The following DENND2B variants were observed in gnomAD, a reference collection of about 807,000 sequenced individuals.
DENND2B encodes DENN domain containing 2B.
A neutral mutation model predicts 116.0 loss-of-function variants in DENND2B; 32 were observed. The observed-to-expected ratio is 0.28, with a 90% CI of 0.21 to 0.37. DENND2B has a LOEUF of 0.37. Ranked by LOEUF, DENND2B falls within the 10% of genes least tolerant of loss-of-function variation. DENND2B has a pLI of 1.00. For missense variants in DENND2B, 1,276 were observed against 1,477.7 expected (o/e 0.86, Z 2.24); for synonymous variants, 588 against 583.9 (o/e 1.01, Z -0.10).
At chr11:8,828,605 C>A (rs759279999) in intron 4 of DENND2B, among the ~76,000 whole-genome samples, 2 of 152,070 alleles carry the variant, frequency 1.3e-5, no homozygotes, top group Non-Finnish European at 2.9e-5. Context: ...AGAATGGGGA[C>A]AAGCAGGGCG....
intron 4 of DENND2B, among the ~76,000 whole-genome samples, chr11:8,721,464 C>A (rs942552145): frequency 6.6e-6 from 1 of 151,736 alleles, no homozygotes; most frequent in African/African-American, 2.4e-5. Flanking sequence ...CTGGACCACA[C>A]CCATTACTAG....
chr11:8,754,125 G>A (rs1183343017), intron 1 of DENND2B, among the ~76,000 whole-genome samples: 1 of 151,130 alleles, frequency 6.6e-6, no homozygotes. Context: ...ATACCATCAA[G>A]AAAGTGAAAA....
chr11:8,760,397 T>C (rs778857663), intron 1 of DENND2B, among the ~76,000 whole-genome samples: 1 of 152,042 alleles, frequency 6.6e-6, no homozygotes, highest in Non-Finnish European at 1.5e-5. Flanking sequence ...GCAGGAGGAT[T>C]GTTTGAGCCC....
intron 1 of DENND2B, among the ~76,000 whole-genome samples, chr11:8,806,636 A>ACACACACACACACACACACACC (rs1426363936): frequency 5.9e-5 from 9 of 151,590 alleles, no homozygotes; most frequent in South Asian, 2.1e-4. Context: ...ACACACACAC[A>ACACACACACACACACACACACC]CACCCAGGAG....
At position 8,768,544 on chromosome 11, in the gene DENND2B, A is replaced by C. The variant is rs1020898936; in HGVS notation, c.-25-17819T>G. ...AGGTATGAGCAACCGTGCCTGGCCA[A>C]ATGTGCTATTTTCTAATGTGGTTTG... On this transcript the variant is annotated intron_variant, in intron 1 of 19. Transcript: ENST00000313726. Among the ~76,000 whole-genome samples the C allele has an allele frequency of 2.0e-5, 3 of 152,116 alleles. No individual in the cohort carries two copies. In the South Asian group the frequency reaches 6.2e-4, roughly 32 times the overall value.
chr11:8,708,450 C>CTCT, intron 11 of DENND2B: 2 of 545,980 alleles, frequency 3.7e-6, no homozygotes, highest in Non-Finnish European at 4.7e-6. Context: ...ATTATTATCC[C>CTCT]CTTTATAGAT....
At position 8,712,521 on chromosome 11, in the gene DENND2B, T is replaced by C; in HGVS notation, c.2172+30A>G. The C allele has an allele frequency of 6.5e-7, 1 of 1,540,172 alleles. No individual in the cohort carries two copies. The highest frequency in any genetic ancestry group is 8.8e-7 in the Non-Finnish European group (1 of 1,139,184). ...GATAGAGGATGGAAGAGGGGGAATA[T>C]GGGCAAGGTGGGGAGAGAGAAGGCC... On this transcript the variant is annotated intron_variant, in intron 9 of 19. Transcript: ENST00000313726. The surrounding 1 kb of genome is among the most constrained non-coding windows in gnomAD (Gnocchi z 4.4).
intron 3 of DENND2B, among the ~76,000 whole-genome samples, chr11:8,855,634 G>C (rs1415811383): frequency 6.6e-6 from 1 of 151,978 alleles, no homozygotes; most frequent in Non-Finnish European, 1.5e-5. Context: ...GGAGGAAACA[G>C]CACGCCGAGA....
chr11:8,830,326 G>C (rs550149125), intron 4 of DENND2B, among the ~76,000 whole-genome samples: 1 of 152,178 alleles, frequency 6.6e-6, no homozygotes, highest in East Asian at 1.9e-4. Context: ...GAAAAATCCT[G>C]CCTCCTCCAA....
At chr11:8,724,319 CT>C (rs935708016) in intron 4 of DENND2B, among the ~76,000 whole-genome samples, 27 of 152,038 alleles carry the variant, frequency 1.8e-4, no homozygotes, top group African/African-American at 6.0e-4. Flanking sequence ...AGATTCCAGG[CT>C]TCTGATAATC....
At chr11:8,737,798 C>T (rs768191228) in intron 2 of DENND2B, among the ~76,000 whole-genome samples, 3 of 151,918 alleles carry the variant, frequency 2.0e-5, no homozygotes, top group East Asian at 1.9e-4. Flanking sequence ...CTTGCTCTGT[C>T]GCTCAGGCTG....
At chr11:8,767,418 C>A (rs1175550998) in intron 1 of DENND2B, among the ~76,000 whole-genome samples, 3 of 99,122 alleles carry the variant, frequency 3.0e-5, no homozygotes, top group Non-Finnish European at 7.6e-5. Context: ...CCCTGAGAGG[C>A]CAAAATGAAG....
intron 1 of DENND2B, chr11:8,771,548 A>AGAGAGG (rs1469637267): frequency 6.7e-6 from 1 of 150,052 alleles, no homozygotes; most frequent in African/African-American, 2.5e-5. Context: ...AGAGAGAGAG[A>AGAGAGG]GAGAGAGAGA....
At chr11:8,758,098 G>A (rs1378448162) in intron 1 of DENND2B, among the ~76,000 whole-genome samples, 2 of 152,144 alleles carry the variant, frequency 1.3e-5, no homozygotes, top group Non-Finnish European at 2.9e-5. Context: ...CTGTGGGGAT[G>A]GGGCCTAGGA....
intron 4 of DENND2B, among the ~76,000 whole-genome samples, chr11:8,829,220 C>A (rs188191931): frequency 6.1e-4 from 93 of 151,384 alleles, no homozygotes; most frequent in Admixed American, 4.1e-3. Context: ...TGTGCATGTG[C>A]AGCATATGTT....
chr11:8,873,328 T>G (rs140334534), upstream of DENND2B, among the ~76,000 whole-genome samples: 1 of 152,362 alleles, frequency 6.6e-6, no homozygotes, highest in East Asian at 1.9e-4. Context: ...GGGCAATAAT[T>G]AGATATAAAT....
chr11:8,894,948 A>G lies in DENND2B; in HGVS notation c.-255-13839T>C, dbSNP rs577284080. On this transcript the variant is annotated intron_variant, in intron 1 of 22. Transcript: ENST00000534127. Reference sequence around the variant, plus strand: ...CATGCTGCTATAAAGACACATGCACACGTATGTTTATTGCGGCACTATTCA... The same window carrying G: ...CATGCTGCTATAAAGACACATGCACGCGTATGTTTATTGCGGCACTATTCA... Among the ~76,000 whole-genome samples, 67 of 152,318 alleles carry G rather than the reference A, an allele frequency of 4.4e-4. 1 individual carries two copies. In the South Asian group the frequency reaches 0.013, roughly 30 times the overall value.
chr11:8,769,142 C>T (rs1233247290), intron 1 of DENND2B, among the ~76,000 whole-genome samples: 1 of 152,182 alleles, frequency 6.6e-6, no homozygotes, highest in Non-Finnish European at 1.5e-5. Context: ...GCCTGCCAAG[C>T]CCAAGTGCTG....
intron 1 of DENND2B, among the ~76,000 whole-genome samples, chr11:8,789,009 C>T (rs1382968893): frequency 2.0e-5 from 3 of 152,198 alleles, no homozygotes; most frequent in Admixed American, 1.3e-4. Flanking sequence ...ACCTAAAAAG[C>T]TCTAACTATG....
Sources: gnomAD v4.1 joint callset for allele counts (sites outside exome capture counted in the v4.1 genomes callset) on GRCh38, gnomAD v4.1.1 for gene constraint, Gnocchi (gnomAD v3.1) non-coding constraint, MANE v1.5 for transcripts, NCBI Gene and HGNC (gene_info 2026-07-23, HGNC 2026-07-21) for gene names.